The following KCNH8 variants were observed in gnomAD, a reference collection of about 807,000 sequenced individuals.
KCNH8 encodes voltage-gated delayed rectifier potassium channel KCNH8.
Under a neutral mutation model 103.6 loss-of-function variants are expected in KCNH8, and 70 were observed. The ratio of observed to expected loss-of-function variants is 0.68; its 90% confidence interval spans 0.56 to 0.82. KCNH8 has a LOEUF of 0.82. KCNH8 is among the 40% of genes least tolerant of loss of function. The pLI, the probability that KCNH8 is intolerant of heterozygous loss-of-function variation, is 0.00. For synonymous variants in KCNH8, 498 were observed against 489.4 expected, an observed-to-expected ratio of 1.02 and a Z score of -0.23; for missense variants, 1,217 against 1,329.9, an observed-to-expected ratio of 0.92 and a Z score of 1.32.
At chr3:19,324,948 G>T (rs1353964969) in intron 3 of KCNH8, among the ~76,000 whole-genome samples, 1 of 152,036 alleles carries the variant, frequency 6.6e-6, no homozygotes, top group Non-Finnish European at 1.5e-5. Context: ...TACTATGGGG[G>T]TACAGTAACC....
At chr3:19,184,016 A>G (rs1439173014) in intron 1 of KCNH8, among the ~76,000 whole-genome samples, 2 of 152,062 alleles carry the variant, frequency 1.3e-5, no homozygotes, top group Non-Finnish European at 2.9e-5. Flanking sequence ...CTGGGAGAGC[A>G]ATTTGTCAAG....
At chr3:19,414,831 C>T (rs114480849) in intron 7 of KCNH8, among the ~76,000 whole-genome samples, 3,340 of 151,980 alleles carry the variant, frequency 0.022, 67 homozygotes, top group Non-Finnish European at 0.029. Flanking sequence ...ACTTGAAAAG[C>T]TTGAGATTTC....
chr3:19,508,504 A>C (rs2125239436), intron 11 of KCNH8, among the ~76,000 whole-genome samples: 1 of 152,290 alleles, frequency 6.6e-6, no homozygotes, highest in African/African-American at 2.4e-5. Context: ...ATAGAGACTA[A>C]AAATACCTAT....
intron 2 of KCNH8, among the ~76,000 whole-genome samples, chr3:19,258,814 T>C (rs2125256561): frequency 6.6e-6 from 1 of 151,654 alleles, no homozygotes; most frequent in Admixed American, 6.6e-5. Context: ...TGCAACTGTT[T>C]TATTATATCT....
chr3:19,419,732 G>T (rs999758845), intron 7 of KCNH8, among the ~76,000 whole-genome samples: 1 of 151,740 alleles, frequency 6.6e-6, no homozygotes, highest in South Asian at 2.1e-4. Context: ...AAAAATGGTG[G>T]ATTCACATCC....
intron 1 of KCNH8, among the ~76,000 whole-genome samples, chr3:19,234,395 G>A (rs2064035147): frequency 6.6e-6 from 1 of 152,220 alleles, no homozygotes; most frequent in Non-Finnish European, 1.5e-5. Flanking sequence ...GGGAGGCTCA[G>A]GCATGGCAGG....
At chr3:19,170,494 C>T (rs2063329753) in intron 1 of KCNH8, among the ~76,000 whole-genome samples, 1 of 151,104 alleles carries the variant, frequency 6.6e-6, no homozygotes, top group South Asian at 2.1e-4. Context: ...CAATGTGAAA[C>T]TGATCATGAC....
At chr3:19,514,080 ATAAAG>A (rs1168085139) in intron 13 of KCNH8, among the ~76,000 whole-genome samples, 3 of 152,106 alleles carry the variant, frequency 2.0e-5, no homozygotes, top group African/African-American at 4.8e-5. Flanking sequence ...TCAGAACCCT[ATAAAG>A]TAGTTTGTGT....
chr3:19,212,602 T>G (rs1312746457), intron 1 of KCNH8, among the ~76,000 whole-genome samples: 1 of 151,890 alleles, frequency 6.6e-6, no homozygotes. Flanking sequence ...TTGGGGCTCA[T>G]ACTGTTTGAA....
intron 3 of KCNH8, among the ~76,000 whole-genome samples, chr3:19,316,067 A>C (rs2065269793): frequency 6.6e-6 from 1 of 152,090 alleles, no homozygotes; most frequent in African/African-American, 2.4e-5. Context: ...ATTAATTTCA[A>C]GTCATTTCAT....
At chr3:19,240,497 A>C (rs1049819350) in intron 1 of KCNH8, among the ~76,000 whole-genome samples, 1 of 151,770 alleles carries the variant, frequency 6.6e-6, no homozygotes, top group African/African-American at 2.4e-5. Flanking sequence ...CTGTAATCCC[A>C]GGTACTCTAG....
chr3:19,476,555 T>TG (rs2067980852), intron 11 of KCNH8, among the ~76,000 whole-genome samples: 1 of 152,128 alleles, frequency 6.6e-6, no homozygotes, highest in Admixed American at 6.6e-5. Context: ...AGCGGGTCAC[T>TG]GGGGGGCATG....
intron 7 of KCNH8, among the ~76,000 whole-genome samples, chr3:19,437,296 G>T (rs1183314988): frequency 6.6e-6 from 1 of 151,990 alleles, no homozygotes; most frequent in Non-Finnish European, 1.5e-5. Context: ...TTTCAATAAA[G>T]AATTTTAAAG....
At chr3:19,305,663 G>A (rs973544540) in intron 3 of KCNH8, among the ~76,000 whole-genome samples, 2 of 152,024 alleles carry the variant, frequency 1.3e-5, no homozygotes, top group East Asian at 3.9e-4. Context: ...AGTAGTGTTA[G>A]TAGCAATAAA....
chr3:19,507,046 A>T (rs1290758193), intron 11 of KCNH8, among the ~76,000 whole-genome samples: 3 of 152,074 alleles, frequency 2.0e-5, no homozygotes, highest in African/African-American at 7.2e-5. Context: ...TGCCTCAGAG[A>T]AACACAGCGC....
intron 3 of KCNH8, among the ~76,000 whole-genome samples, chr3:19,289,488 C>T (rs577358296): frequency 2.2e-4 from 34 of 152,212 alleles, no homozygotes; most frequent in Non-Finnish European, 4.4e-4. Flanking sequence ...AGGGAATCCT[C>T]TCCCCATTTC....
intron 7 of KCNH8, among the ~76,000 whole-genome samples, chr3:19,417,736 C>T (rs1238073708): frequency 1.3e-5 from 2 of 151,968 alleles, no homozygotes; most frequent in Non-Finnish European, 2.9e-5. Flanking sequence ...TAATATACTG[C>T]AGATTATGTG....
intron 2 of KCNH8, among the ~76,000 whole-genome samples, chr3:19,265,042 A>G (rs953557394): frequency 6.6e-6 from 1 of 152,056 alleles, no homozygotes; most frequent in Admixed American, 6.6e-5. Context: ...GCCAGGCACT[A>G]TACATACCCC....
chr3:19,460,775 G>C (rs2067611787), intron 11 of KCNH8, among the ~76,000 whole-genome samples: 1 of 152,146 alleles, frequency 6.6e-6, no homozygotes, highest in African/African-American at 2.4e-5. Flanking sequence ...AGGACCAGGT[G>C]GAGATAATTG....
Sources: gnomAD v4.1 joint callset for allele counts (sites outside exome capture counted in the v4.1 genomes callset) on GRCh38, gnomAD v4.1.1 for gene constraint, MANE v1.5 for transcripts, NCBI Gene and HGNC (gene_info 2026-07-23, HGNC 2026-07-21) for gene names.